Variants in SEMA6A observed in about 807,000 individuals in gnomAD.
SEMA6A encodes semaphorin 6A, also known as semaphorin-6A.
In SEMA6A, 25 loss-of-function variants were observed where a neutral mutation model predicts 96.8. The observed-to-expected ratio is 0.26, with a 90% confidence interval of 0.19 to 0.36. The LOEUF (loss-of-function observed/expected upper bound fraction) is 0.36. SEMA6A is among the 10% of genes least tolerant of loss of function. The pLI is 1.00. For synonymous variants in SEMA6A, 612 were observed against 518.0 expected, an observed-to-expected ratio of 1.18 and a Z score of -2.46; for missense variants, 1,363 against 1,323.1, an observed-to-expected ratio of 1.03 and a Z score of -0.47.
At chr5:116,472,635 C>A in intron 17 of SEMA6A, 1 of 428,012 alleles carries the variant, frequency 2.3e-6, no homozygotes. Context: ...ATGTATTCAC[C>A]AAATTCCCTA....
intron 1 of SEMA6A, among the ~76,000 whole-genome samples, chr5:116,545,582 T>G (rs1760153570): frequency 1.3e-5 from 2 of 152,024 alleles, no homozygotes; most frequent in South Asian, 4.1e-4. Context: ...AAAAAAAAAT[T>G]GCTTCCCTCC....
At chr5:116,479,984 G>T in intron 12 of SEMA6A, 138 bp downstream of exon 12, 1 of 967,934 alleles carries the variant, frequency 1.0e-6, no homozygotes. Context: ...CAACCAATCG[G>T]CCACCATTTC....
intron 6 of SEMA6A, among the ~76,000 whole-genome samples, chr5:116,493,231 C>CTT (rs1226678416): frequency 1.3e-5 from 2 of 152,208 alleles, no homozygotes; most frequent in Non-Finnish European, 2.9e-5. Flanking sequence ...AAAACCTGTA[C>CTT]TTTGTCATAA....
At chr5:116,459,868 GTAACACTCAGCA>G (rs988089311) in intron 18 of SEMA6A, among the ~76,000 whole-genome samples, 1 of 152,090 alleles carries the variant, frequency 6.6e-6, no homozygotes, top group Non-Finnish European at 1.5e-5. Flanking sequence ...AGTATCTTCT[GTAACACTCAGCA>G]TAAGGTTTAC....
intron 16 of SEMA6A, 56 bp from the exon 17 acceptor site, chr5:116,473,149 G>T (rs773450685): frequency 6.5e-7 from 1 of 1,536,750 alleles, no homozygotes; most frequent in African/African-American, 1.4e-5. Flanking sequence ...TGCTTGGGGC[G>T]ACTTACATAA....
At chr5:116,563,037 T>C in intron 1 of SEMA6A, 1 of 463,280 alleles carries the variant, frequency 2.2e-6, no homozygotes, top group East Asian at 5.1e-5. Context: ...CCTCAAAATA[T>C]TTTGTTAATA....
chr5:116,488,282 A>T (rs1215709236), intron 8 of SEMA6A, 86 bp from the exon 9 acceptor site: 1 of 880,590 alleles, frequency 1.1e-6, no homozygotes, highest in African/African-American at 1.7e-5. Flanking sequence ...ACATGTTATT[A>T]ATTAAAAGTG....
At chr5:116,499,872 A>C (rs1224275351) in intron 3 of SEMA6A, among the ~76,000 whole-genome samples, 1 of 152,216 alleles carries the variant, frequency 6.6e-6, no homozygotes, top group Admixed American at 6.5e-5. Context: ...CCTAACACTC[A>C]TGTAGCCCTG....
At chr5:116,570,193 T>A (rs1371552323) in intron 1 of SEMA6A, among the ~76,000 whole-genome samples, 1 of 152,222 alleles carries the variant, frequency 6.6e-6, no homozygotes, top group Non-Finnish European at 1.5e-5. Context: ...CCTTTCTCTA[T>A]CTTACCATAT....
At chr5:116,459,534 G>C (rs1367436988) in intron 18 of SEMA6A, among the ~76,000 whole-genome samples, 1 of 152,046 alleles carries the variant, frequency 6.6e-6, no homozygotes, top group Admixed American at 6.6e-5. Flanking sequence ...CATACACTTA[G>C]TCACCACACA....
chr5:116,533,017 C>T (rs545811871), intron 1 of SEMA6A, among the ~76,000 whole-genome samples: 1 of 152,330 alleles, frequency 6.6e-6, no homozygotes, highest in South Asian at 2.1e-4. Context: ...CTTAACTTGG[C>T]CCTGTGTAGG....
At chr5:116,558,360 T>C (rs1561536050) in intron 1 of SEMA6A, among the ~76,000 whole-genome samples, 1 of 152,244 alleles carries the variant, frequency 6.6e-6, no homozygotes. Context: ...TAGGTATATA[T>C]GTGCCACGGT....
intron 1 of SEMA6A, among the ~76,000 whole-genome samples, chr5:116,566,357 C>T (rs1349664716): frequency 1.3e-5 from 2 of 152,090 alleles, no homozygotes; most frequent in Non-Finnish European, 2.9e-5. Context: ...TAGAAAGCAC[C>T]TAGGAATATT....
At chr5:116,467,924 G>A (rs1273204339) in intron 17 of SEMA6A, 177 bp from the exon 18 acceptor site, 1 of 624,570 alleles carries the variant, frequency 1.6e-6, no homozygotes, top group Non-Finnish European at 2.8e-6. Flanking sequence ...TGTGGGGTGT[G>A]TTCAGCAGAA....
chr5:116,565,928 C>CGGGGAA (rs1476090690), intron 1 of SEMA6A, among the ~76,000 whole-genome samples: 1 of 151,566 alleles, frequency 6.6e-6, no homozygotes, highest in Non-Finnish European at 1.5e-5. Flanking sequence ...GGGGGAGGGG[C>CGGGGAA]GGGGAAGTGC....
chr5:116,489,825 C>T (rs55833112), intron 7 of SEMA6A, among the ~76,000 whole-genome samples: 22,834 of 152,126 alleles, frequency 0.15, 3,368 homozygotes, highest in African/African-American at 0.39. Context: ...CTTCCTGGCT[C>T]AGCAAACACT....
chr5:116,472,997 C>T, intron 17 of SEMA6A, 76 bp downstream of exon 17: 2 of 1,532,662 alleles, frequency 1.3e-6, no homozygotes, highest in East Asian at 4.8e-5. Flanking sequence ...TGAACATACT[C>T]AAGAGGATTA....
intron 1 of SEMA6A, among the ~76,000 whole-genome samples, chr5:116,537,312 TC>T (rs1404727780): frequency 4.6e-5 from 7 of 152,176 alleles, no homozygotes; most frequent in African/African-American, 1.7e-4. Flanking sequence ...AAGCTGTTCT[TC>T]CAGAGAAGTT....
intron 1 of SEMA6A, among the ~76,000 whole-genome samples, chr5:116,564,857 A>G (rs1760966004): frequency 6.6e-6 from 1 of 152,372 alleles, no homozygotes; most frequent in South Asian, 2.1e-4. Flanking sequence ...CTCCTTAGCA[A>G]TGAGTGTCAA....
Sources: gnomAD v4.1 joint callset for allele counts (sites outside exome capture counted in the v4.1 genomes callset) on GRCh38, gnomAD v4.1.1 for gene constraint, MANE v1.5 for transcripts, NCBI Gene and HGNC (gene_info 2026-07-23, HGNC 2026-07-21) for gene names.